NXPE4: variants seen among roughly 807,000 people sequenced by gnomAD.
NXPE4 encodes neurexophilin and PC-esterase domain family member 4, also known as NXPE family member 4.
In NXPE4, 42 loss-of-function variants were observed where a neutral mutation model predicts 33.3. The observed-to-expected ratio is 1.26, with a 90% CI of 0.98 to 1.63. The LOEUF is 1.63. Among genes scored for constraint, NXPE4 ranks in the 40% most tolerant of loss-of-function variants. The pLI is 0.00. For synonymous variants in NXPE4, 253 were observed against 234.9 expected (o/e 1.08, Z -0.71); for missense variants, 709 against 647.6 (o/e 1.09, Z -1.03).
chr11:114,638,367 A>G, the NXPE4 span, among the ~76,000 whole-genome samples: 1 of 151,778 alleles, frequency 6.6e-6, no homozygotes, highest in African/African-American at 2.4e-5. Context: ...CCATTCGTCT[A>G]AATTTTTTTT....
chr11:114,672,040 G>A, the NXPE4 span, among the ~76,000 whole-genome samples: 4 of 152,094 alleles, frequency 2.6e-5, no homozygotes, highest in East Asian at 7.7e-4. Flanking sequence ...TCTTCACATG[G>A]CTGGTGGGAA....
chr11:114,607,981 T>C, the NXPE4 span, among the ~76,000 whole-genome samples: 2 of 151,692 alleles, frequency 1.3e-5, no homozygotes, highest in East Asian at 2.0e-4. Context: ...GCCTCGTGAG[T>C]CACCGCTGCT....
chr11:114,654,733 G>T, the NXPE4 span, among the ~76,000 whole-genome samples: 8 of 152,116 alleles, frequency 5.3e-5, no homozygotes, highest in Non-Finnish European at 7.4e-5. Flanking sequence ...ATGGACATTT[G>T]ACTTGGTTCC....
chr11:114,589,585 T>A (rs1431969897), intron 2 of NXPE4, among the ~76,000 whole-genome samples: 1 of 152,150 alleles, frequency 6.6e-6, no homozygotes, highest in Non-Finnish European at 1.5e-5. Context: ...GCCAGCATAC[T>A]TATAGCCCCA....
At chr11:114,668,702 T>G in the NXPE4 span, among the ~76,000 whole-genome samples, 1 of 151,830 alleles carries the variant, frequency 6.6e-6, no homozygotes, top group East Asian at 1.9e-4. Context: ...CTTTATATTT[T>G]CTTCATAAAA....
chr11:114,634,443 G>A, the NXPE4 span, among the ~76,000 whole-genome samples: 1 of 151,970 alleles, frequency 6.6e-6, no homozygotes, highest in Non-Finnish European at 1.5e-5. Flanking sequence ...AGTTTCTTTT[G>A]CTGTGCAGCA....
the NXPE4 span, among the ~76,000 whole-genome samples, chr11:114,610,972 C>A: frequency 6.6e-6 from 1 of 151,666 alleles, no homozygotes; most frequent in Admixed American, 6.6e-5. Context: ...AGTGTTGCCT[C>A]GTGGGTAACC....
At chr11:114,599,847 C>T (rs749403319), upstream of NXPE4, among the ~76,000 whole-genome samples, 5 of 152,070 alleles carry the variant, frequency 3.3e-5, no homozygotes, top group African/African-American at 9.7e-5. Context: ...CCAGCTCCAA[C>T]ACTGGGGATT....
At chr11:114,581,388 G>A (rs477491) in intron 4 of NXPE4, among the ~76,000 whole-genome samples, 213 of 152,248 alleles carry the variant, frequency 1.4e-3, no homozygotes, top group African/African-American at 4.8e-3. Flanking sequence ...AAGAGGTGAT[G>A]GGAGTGGTAT....
At chr11:114,651,462 A>C in the NXPE4 span, among the ~76,000 whole-genome samples, 1 of 152,184 alleles carries the variant, frequency 6.6e-6, no homozygotes, top group Non-Finnish European at 1.5e-5. Context: ...TGTGGACCCA[A>C]AGAGTAAGCA....
chr11:114,629,509 T>G, the NXPE4 span, among the ~76,000 whole-genome samples: 4 of 151,500 alleles, frequency 2.6e-5, no homozygotes, highest in Non-Finnish European at 4.4e-5. Flanking sequence ...TAGGTATTGA[T>G]GGGACATATC....
Position 114,570,782 on chromosome 11 carries a change from T to G in NXPE4, c.*156A>C. The G allele has an allele frequency of 1.8e-6, 1 of 552,970 alleles. No homozygotes were observed. Among genetic ancestry groups the G allele is most frequent in the South Asian group, 2.9e-5 (1 of 34,174 alleles). 34.3% of individuals were successfully genotyped at this position (552,970 alleles called of 1,614,324 possible). A position where few individuals can be genotyped will look rare whatever the true frequency, so the allele number is the denominator to read the frequency against. On this transcript the variant is annotated 3_prime_UTR_variant, in exon 6 of 6. Transcript: ENST00000375478. ...AGTGGAAGCCCAGATTAGAAACATC[T>G]CATTTAGCTGAATTGGTGGCTTATG...
upstream of NXPE4, among the ~76,000 whole-genome samples, chr11:114,598,424 G>A (rs1311034430): frequency 7.2e-5 from 11 of 152,234 alleles, no homozygotes; most frequent in Non-Finnish European, 4.4e-5. Context: ...CTCTGTGTGG[G>A]GGCTCCAGCC....
At position 114,582,808 on chromosome 11, in the gene NXPE4, T is replaced by C; in HGVS notation, c.310A>G (p.Ile104Val). The stretch of plus-strand genomic sequence containing the variant: ...CAGTACGTATCTCGAGGGTTGAGGA[T>C]GGTGGCTGTGCTATGTGTGGCGCTG... ...TTSATHSTAT[I>V]LNPRDTYCRG... Residue 104 changes from isoleucine to valine, a missense_variant, in exon 3 of 6, where the codon ATC becomes GTC. By Grantham distance (29) the Ile-to-Val change is conservative. Transcript: ENST00000375478. The C allele has an allele frequency of 6.2e-7, 1 of 1,614,072 alleles. No individual in the cohort carries two copies. Among genetic ancestry groups the C allele is most frequent in the Non-Finnish European group, 8.5e-7 (1 of 1,179,980 alleles).
At chr11:114,624,636 A>G in the NXPE4 span, among the ~76,000 whole-genome samples, 1 of 152,096 alleles carries the variant, frequency 6.6e-6, no homozygotes, top group East Asian at 1.9e-4. Context: ...TACCCAGTGG[A>G]TAATAAGTAT....
chr11:114,648,303 G>C, the NXPE4 span, among the ~76,000 whole-genome samples: 1 of 152,070 alleles, frequency 6.6e-6, no homozygotes, highest in Non-Finnish European at 1.5e-5. Context: ...TTCAAAAGCT[G>C]GTAGGTTGAA....
At chr11:114,608,537 G>A in the NXPE4 span, among the ~76,000 whole-genome samples, 20 of 150,756 alleles carry the variant, frequency 1.3e-4, no homozygotes, top group East Asian at 2.0e-4. Context: ...ACTGTTACCC[G>A]GTGGATAATA....
At chr11:114,587,221 T>A (rs1471774198) in intron 2 of NXPE4, among the ~76,000 whole-genome samples, 3 of 152,184 alleles carry the variant, frequency 2.0e-5, no homozygotes, top group Non-Finnish European at 4.4e-5. Context: ...CAAATTTTAG[T>A]CTGAACATGG....
At chr11:114,652,721 AT>A in the NXPE4 span, among the ~76,000 whole-genome samples, 2 of 151,218 alleles carry the variant, frequency 1.3e-5, no homozygotes, top group African/African-American at 4.9e-5. Context: ...CTGAATGAAC[AT>A]GAAGAGTGAT....
Sources: gnomAD v4.1 joint callset for allele counts (sites outside exome capture counted in the v4.1 genomes callset) on GRCh38, gnomAD v4.1.1 for gene constraint, MANE v1.5 for transcripts, NCBI Gene and HGNC (gene_info 2026-07-23, HGNC 2026-07-21) for gene names.